Variants in KAT6B observed in about 807,000 individuals in gnomAD.
The protein encoded by KAT6B is lysine acetyltransferase 6B, also known as histone acetyltransferase KAT6B.
KAT6B carries 10 observed loss-of-function variants against 187.5 expected under a neutral mutation model. The ratio of observed to expected loss-of-function variants is 0.05; its 90% CI spans 0.03 to 0.09. KAT6B has a LOEUF of 0.09. Ranked by LOEUF, KAT6B falls within the 10% of genes least tolerant of loss-of-function variation. KAT6B has a pLI of 1.00. For missense variants in KAT6B, 1,952 were observed against 2,558.9 expected, an observed-to-expected ratio of 0.76 and a Z score of 5.12; for synonymous variants, 861 against 926.8, an observed-to-expected ratio of 0.93 and a Z score of 1.29.
Position 74,975,840 on chromosome 10 carries a change from C to A in KAT6B, c.1503C>A (p.Ser501=). 6.2e-7 allele frequency: 1 copy of A among 1,614,158 alleles called. No individual in the cohort carries two copies. Among genetic ancestry groups the A allele is most frequent in the Non-Finnish European group, 8.5e-7 (1 of 1,180,012 alleles). The change falls in exon 8 of 18, where the codon TCC becomes TCA. Residue 501 remains serine, a synonymous_variant. Coordinates refer to ENST00000287239, the MANE Select transcript of KAT6B (RefSeq NM_012330.4). ...CACTTCCACCCCCAACCCCCATCTC[C>A]GGTCAGAGCCCCAGTTCACAAAAGT... ...PSSLPPPTPI[S]GQSPSSQKSS...
intron 3 of KAT6B, among the ~76,000 whole-genome samples, chr10:74,900,418 ACT>A (rs1305995504): frequency 6.6e-6 from 1 of 152,130 alleles, no homozygotes. Context: ...AGCTCTGCTC[ACT>A]CTGTCTGCGA....
chr10:74,959,528 A>G lies in KAT6B; in HGVS notation c.622-442A>G, dbSNP rs575353086. Among the ~76,000 whole-genome samples the G allele has an allele frequency of 3.3e-4, 51 of 152,340 alleles. 4 individuals are homozygous for G. Among genetic ancestry groups the G allele is most frequent in the African/African-American group, 1.2e-3 (49 of 41,586 alleles). Reference sequence around the variant, plus strand: ...GTAGTACTTTAGTGTCAAATAATTTAAGAGATTTATCCCAGCACTTTGGGA... The same window carrying G: ...GTAGTACTTTAGTGTCAAATAATTTGAGAGATTTATCCCAGCACTTTGGGA... On this transcript the variant is annotated intron_variant, in intron 3 of 17. Coordinates refer to ENST00000287239, the MANE Select transcript of KAT6B (RefSeq NM_012330.4).
intron 1 of KAT6B, among the ~76,000 whole-genome samples, chr10:74,832,481 A>AT (rs1353950541): frequency 1.3e-5 from 2 of 151,872 alleles, no homozygotes; most frequent in Non-Finnish European, 2.9e-5. Context: ...ATTTATTTAG[A>AT]TTTTTTGGTA....
At chr10:74,975,309 G>T in intron 7 of KAT6B, 90 bp from the exon 8 acceptor site, 1 of 1,012,686 alleles carries the variant, frequency 9.9e-7, no homozygotes, top group South Asian at 1.4e-5. Context: ...TAAGCCCATT[G>T]AATGCATCTA....
In KAT6B at chr10:74,926,279, C is replaced by A. The variant is rs577806468; in HGVS notation, c.622-33691C>A. Among the ~76,000 whole-genome samples the A allele has an allele frequency of 2.0e-3, 303 of 152,326 alleles. 1 individual carries two copies. The highest frequency in any genetic ancestry group is 3.2e-3 in the Non-Finnish European group (216 of 68,038). ...GACCAGCTTGGCCAACATGGCAAAA[C>A]CCCGTCTCTACTAAAAATACAAAAA... On this transcript the variant is annotated intron_variant, in intron 3 of 17. Coordinates refer to ENST00000287239, the MANE Select transcript of KAT6B (RefSeq NM_012330.4).
chr10:75,005,948 T>C (rs1392279898), intron 13 of KAT6B, among the ~76,000 whole-genome samples: 1 of 152,178 alleles, frequency 6.6e-6, no homozygotes, highest in Non-Finnish European at 1.5e-5. Context: ...GAAATAAATA[T>C]GCAGCACAAT....
intron 3 of KAT6B, among the ~76,000 whole-genome samples, chr10:74,942,531 G>A (rs533644620): frequency 4.6e-5 from 7 of 151,692 alleles, no homozygotes; most frequent in East Asian, 3.9e-4. Context: ...TTTGGGAGGC[G>A]GAGGCAAGCA....
chr10:74,943,122 A>T (rs1849820079), intron 3 of KAT6B, among the ~76,000 whole-genome samples: 1 of 152,240 alleles, frequency 6.6e-6, no homozygotes, highest in South Asian at 2.1e-4. Flanking sequence ...AAAACTAGAG[A>T]GGATTTAGCA....
At chr10:74,991,375 CAGT>C (rs1843117178) in intron 13 of KAT6B, among the ~76,000 whole-genome samples, 2 of 152,178 alleles carry the variant, frequency 1.3e-5, no homozygotes, top group South Asian at 4.1e-4. Context: ...GCTCTAAATT[CAGT>C]AGTATCTTAT....
intron 3 of KAT6B, among the ~76,000 whole-genome samples, chr10:74,947,044 G>A (rs1230865652): frequency 6.6e-6 from 1 of 152,036 alleles, no homozygotes; most frequent in Non-Finnish European, 1.5e-5. Flanking sequence ...GTGTCGCCCA[G>A]GCTGGAGTTC....
At chr10:74,826,446 C>T (rs1220062198), upstream of KAT6B, among the ~76,000 whole-genome samples, 1 of 152,056 alleles carries the variant, frequency 6.6e-6, no homozygotes, top group Non-Finnish European at 1.5e-5. Context: ...CCGGCAGGAA[C>T]CTGCCCCAAT....
intron 3 of KAT6B, among the ~76,000 whole-genome samples, chr10:74,909,553 C>A (rs1279412784): frequency 6.6e-6 from 1 of 152,192 alleles, no homozygotes; most frequent in African/African-American, 2.4e-5. Flanking sequence ...TCTGGATAAT[C>A]TTCCTTTGTG....
chr10:74,959,916 T>A (rs1840977210), intron 3 of KAT6B, 54 bp from the exon 4 acceptor site: 1 of 1,216,300 alleles, frequency 8.2e-7, no homozygotes, highest in Admixed American at 1.7e-5. Context: ...ATTTTAATGT[T>A]TTTACTTTTG....
At chr10:74,944,229 A>G (rs1993006) in intron 3 of KAT6B, among the ~76,000 whole-genome samples, 37,477 of 152,038 alleles carry the variant, frequency 0.25, 8,341 homozygotes, top group African/African-American at 0.59. Flanking sequence ...TTATTTCTGC[A>G]TCACTCAGTA....
chr10:74,831,237 C>A (rs1840831402), intron 1 of KAT6B, among the ~76,000 whole-genome samples: 1 of 152,082 alleles, frequency 6.6e-6, no homozygotes, highest in South Asian at 2.1e-4. Flanking sequence ...AGTCCTTTGT[C>A]ATGTGTGTGT....
Position 74,970,033 on chromosome 10 carries a change from T to C in KAT6B, c.860T>C (p.Phe287Ser). 2 of 1,611,438 alleles carry C rather than the reference T, an allele frequency of 1.2e-6. No homozygotes were observed. Among genetic ancestry groups the C allele is most frequent in the Non-Finnish European group, 1.7e-6 (2 of 1,177,620 alleles). Residue 287 changes from phenylalanine to serine, a missense_variant, in exon 6 of 18, where the codon TTT becomes TCT. By Grantham distance (155) the Phe-to-Ser change is radical. Around this residue, in one of 9 missense-constraint regions of KAT6B, gnomAD observed 24 missense variants for 42.7 expected, o/e 0.56. Transcript: ENST00000287239. ...GTTATATTACAGGATAATATGCTTT[T>C]TTGTGATTCCTGTGATAGAGGATTT... ...VQGRNADNMLFCDSCDRGFHM... is the reference protein window; with the variant it reads ...VQGRNADNMLSCDSCDRGFHM...
At chr10:75,005,032 T>C (rs924773100) in intron 13 of KAT6B, among the ~76,000 whole-genome samples, 1 of 152,034 alleles carries the variant, frequency 6.6e-6, no homozygotes, top group Admixed American at 6.6e-5. Flanking sequence ...TAAAACAAGA[T>C]CAAGAAAGAT....
chr10:74,909,223 T>C (rs1017204609), intron 3 of KAT6B, among the ~76,000 whole-genome samples: 1 of 152,106 alleles, frequency 6.6e-6, no homozygotes, highest in Admixed American at 6.6e-5. Context: ...ATACAAAAAT[T>C]AGCTGGGCGT....
At chr10:74,888,090 A>G (rs940552399) in intron 3 of KAT6B, among the ~76,000 whole-genome samples, 1 of 152,200 alleles carries the variant, frequency 6.6e-6, no homozygotes, top group Non-Finnish European at 1.5e-5. Flanking sequence ...GGATAGCTGT[A>G]TGGAAATTCT....
Sources: gnomAD v4.1 joint callset for allele counts (sites outside exome capture counted in the v4.1 genomes callset) on GRCh38, gnomAD v4.1.1 for gene constraint, gnomAD v4.1.1 regional missense constraint, MANE v1.5 for transcripts, NCBI Gene and HGNC (gene_info 2026-07-23, HGNC 2026-07-21) for gene names.